ADARB1: variants seen among roughly 807,000 people sequenced by gnomAD.
ADARB1 encodes double-stranded RNA-specific editase 1.
Under a neutral mutation model 52.4 loss-of-function variants are expected in ADARB1, and 10 were observed. The ratio of observed to expected loss-of-function variants is 0.19; its 90% CI spans 0.12 to 0.32. The LOEUF (loss-of-function observed/expected upper bound fraction) is 0.32. Ranked by LOEUF, ADARB1 falls within the 10% of genes least tolerant of loss-of-function variation. The pLI is 1.00. For synonymous variants in ADARB1, 349 were observed against 371.1 expected (o/e 0.94, Z 0.68); for missense variants, 643 against 922.3 (o/e 0.70, Z 3.92).
In ADARB1 at chr21:45,176,567, C is replaced by T. The variant is rs1450281854; in HGVS notation, c.866C>T (p.Ala289Val). The T allele has an allele frequency of 1.2e-6, 2 of 1,614,224 alleles. No individual in the cohort carries two copies. Among genetic ancestry groups the T allele is most frequent in the South Asian group, 1.1e-5 (1 of 91,088 alleles). ...RNKKLAKARA[A>V]QSALAAIFNL... is the part of the protein sequence containing the mutation. ...AAGAAGCTTGCCAAGGCCCGGGCTG[C>T]GCAGTCTGCCCTGGCCGCCATTTTT... is the stretch of plus-strand genomic sequence containing the variant. Residue 289 changes from alanine to valine, a missense_variant, in exon 4 of 11, where the codon GCG (alanine) becomes GTG (valine). By Grantham distance (64) the Ala-to-Val change is moderately conservative. Around this residue, in one of 2 missense-constraint regions of ADARB1, gnomAD observed 380 missense variants for 446.5 expected, o/e 0.85. Coordinates refer to ENST00000348831, the MANE Select transcript of ADARB1 (RefSeq NM_001112.4). This position sits in a 1 kb window ranked among gnomAD's most constrained non-coding sequence, Gnocchi z 5.8.
intron 1 of ADARB1, among the ~76,000 whole-genome samples, chr21:45,093,403 T>G (rs373249): frequency 0.95 from 145,388 of 152,296 alleles, 69,414 homozygotes; most frequent in East Asian, 0.98. Context: ...ATTGGCAGGT[T>G]TCCACAGGCC....
In ADARB1 at chr21:45,110,356, T is replaced by G. The variant is rs2087478347; in HGVS notation, c.-219-18046T>G. On this transcript the variant is annotated intron_variant, in intron 1 of 10. Transcript: ENST00000348831. ...TATTTCCCACGAATTTGAAAACCAG[T>G]ACATTTCTGTGCCAAGTAATGGCTG... Among the ~76,000 whole-genome samples, 3 of 152,242 alleles carry G rather than the reference T, an allele frequency of 2.0e-5. No individual in the cohort carries two copies. The South Asian group carries it at 6.2e-4, about 32-fold the overall frequency.
chr21:45,178,320 A>T (rs2091784409), intron 4 of ADARB1, among the ~76,000 whole-genome samples: 2 of 152,142 alleles, frequency 1.3e-5, no homozygotes, highest in Non-Finnish European at 2.9e-5. Context: ...CAGCCTGGGG[A>T]GGGGTGCAGG....
chr21:45,217,429 T>G (rs989195975), intron 9 of ADARB1, among the ~76,000 whole-genome samples: 4 of 152,152 alleles, frequency 2.6e-5, no homozygotes, highest in African/African-American at 9.7e-5. Flanking sequence ...ACGATCTCCC[T>G]TCAAGTGATA....
chr21:45,176,445 G>C lies in ADARB1; in HGVS notation c.744G>C (p.Lys248Asn). 1.2e-6 allele frequency: 2 copies of C among 1,614,210 alleles called. No individual in the cohort carries two copies. The highest frequency in any genetic ancestry group is 1.7e-6 in the Non-Finnish European group (2 of 1,180,036). ...MILNELRPGL[K>N]YDFLSESGES... ...TGAACGAACTGCGCCCAGGACTCAA[G>C]TATGACTTCCTCTCCGAGAGCGGGG... Residue 248 changes from lysine to asparagine, a missense_variant, in exon 4 of 11, where the codon AAG (lysine) becomes AAC (asparagine). By Grantham distance (94) the Lys-to-Asn change is moderately conservative. This residue lies in a region of ADARB1 where 380 missense variants were observed against 446.5 expected (regional missense o/e 0.85). Transcript: ENST00000348831. This position sits in a 1 kb window ranked among gnomAD's most constrained non-coding sequence, Gnocchi z 5.8.
In ADARB1 at chr21:45,176,506, G is replaced by A. The variant is rs1484574248; in HGVS notation, c.805G>A (p.Val269Met). The change falls in exon 4 of 11, where the codon GTG becomes ATG. Residue 269 changes from valine to methionine, a missense_variant. Val to Met is a conservative substitution (Grantham distance 21). This residue lies in a region of ADARB1 where 380 missense variants were observed against 446.5 expected (regional missense o/e 0.85). Coordinates refer to ENST00000348831, the MANE Select transcript of ADARB1 (RefSeq NM_001112.4). This position sits in a 1 kb window ranked among gnomAD's most constrained non-coding sequence, Gnocchi z 5.8. ...CAAGAGCTTCGTCATGTCTGTGGTC[G>A]TGGATGGTCAGTTCTTTGAAGGCTC... The part of the protein sequence containing the change: ...HAKSFVMSVV[V>M]DGQFFEGSGR... 4 of 1,614,198 alleles carry A rather than the reference G, an allele frequency of 2.5e-6. No homozygotes were observed. The highest frequency in any genetic ancestry group is 2.5e-6 in the Non-Finnish European group (3 of 1,180,040).
At chr21:45,123,806 G>T (rs975232824) in intron 1 of ADARB1, among the ~76,000 whole-genome samples, 5 of 152,092 alleles carry the variant, frequency 3.3e-5, no homozygotes, top group African/African-American at 1.2e-4. Flanking sequence ...TCCATGTGTT[G>T]CCTAGGCTGA....
rs142852625 is a variant in ADARB1, at chr21:45,170,548, T to C, written c.-47-1062T>C. 6.8e-3 allele frequency among the ~76,000 whole-genome samples: 1,039 copies of C among 151,958 alleles called. 6 individuals are homozygous for C. Among genetic ancestry groups the C allele is most frequent in the African/African-American group, 0.024 (991 of 41,514 alleles). On this transcript the variant is annotated intron_variant, in intron 2 of 10. Transcript: ENST00000348831. Reference sequence around the variant, plus strand: ...TGAAATATAGTGAGATTGAAAGTTATTAACATGATTTCATGAAAAACTATA... The same window carrying C: ...TGAAATATAGTGAGATTGAAAGTTACTAACATGATTTCATGAAAAACTATA...
rs1490612682 is a variant in ADARB1, at chr21:45,221,685, A to T, written c.1927-333A>T. ...GAAGGCCTCCGAGGTCATCAGGGTG[A>T]TGACACACATAACATCCGTGGTGCT... On this transcript the variant is annotated intron_variant, in intron 10 of 10. Transcript: ENST00000348831. The surrounding 1 kb of genome is among the most constrained non-coding windows in gnomAD (Gnocchi z 4.9). Among the ~76,000 whole-genome samples the T allele has an allele frequency of 2.6e-5, 4 of 152,192 alleles. No individual in the cohort carries two copies. The highest frequency in any genetic ancestry group is 1.3e-4 in the Admixed American group (2 of 15,280).
chr21:45,152,055 C>T (rs1220588372), intron 2 of ADARB1, among the ~76,000 whole-genome samples: 1 of 152,194 alleles, frequency 6.6e-6, no homozygotes, highest in Non-Finnish European at 1.5e-5. Context: ...TGTCAGTGGC[C>T]TGCAGTTTCC....
At chr21:45,151,100 A>G (rs938180848) in intron 2 of ADARB1, among the ~76,000 whole-genome samples, 2 of 152,198 alleles carry the variant, frequency 1.3e-5, no homozygotes, top group African/African-American at 4.8e-5. Context: ...GTGTGTGGGC[A>G]GGTGCCTGAG....
At chr21:45,198,374 C>T (rs1349417971) in intron 8 of ADARB1, among the ~76,000 whole-genome samples, 1 of 152,152 alleles carries the variant, frequency 6.6e-6, no homozygotes, top group Non-Finnish European at 1.5e-5. Context: ...GTCCTAGACA[C>T]TTCAGCACTG....
chr21:45,179,107 G>GCGTC (rs1161634276), intron 4 of ADARB1, among the ~76,000 whole-genome samples: 1 of 152,140 alleles, frequency 6.6e-6, no homozygotes, highest in African/African-American at 2.4e-5. Context: ...CAATTGGAAT[G>GCGTC]CGTCGCCCCT....
Position 45,185,039 on chromosome 21 carries a change from G to A in ADARB1, c.1513G>A (p.Val505Met), listed in dbSNP as rs1452660177. Residue 505 changes from valine to methionine, a missense_variant, in exon 8 of 11, where the codon GTG becomes ATG. By Grantham distance (21) the Val-to-Met change is conservative. Transcript: ENST00000348831. ...TGCGAGCATCCAAACGTGGGACGGG[G>A]TGCTGCAAGGGGAGCGGCTGCTCAC... Reference protein sequence around the residue: ...SNASIQTWDGVLQGERLLTMS... With the variant: ...SNASIQTWDGMLQGERLLTMS... 6.2e-7 allele frequency: 1 copy of A among 1,614,236 alleles called. No individual in the cohort carries two copies. The highest frequency in any genetic ancestry group is 1.3e-5 in the African/African-American group (1 of 75,062).
At chr21:45,083,282 A>G (rs1244725846) in intron 1 of ADARB1, among the ~76,000 whole-genome samples, 2 of 152,284 alleles carry the variant, frequency 1.3e-5, no homozygotes, top group South Asian at 2.1e-4. Flanking sequence ...CTGAAAACGT[A>G]TGCTTTTGCT....
chr21:45,222,110 G>A lies in ADARB1; in HGVS notation c.2019G>A (p.Ala673=), dbSNP rs768328836. The change falls in exon 11 of 11, where the codon GCG becomes GCA. Residue 673 remains alanine (A), a synonymous_variant. Coordinates refer to ENST00000348831, the MANE Select transcript of ADARB1 (RefSeq NM_001112.4). Reference sequence around the variant, plus strand: ...CAAAGGAGTACCAGGCCGCCAAGGCGCGTCTGTTCACAGCCTTCATCAAGG... The same window carrying A: ...CAAAGGAGTACCAGGCCGCCAAGGCACGTCTGTTCACAGCCTTCATCAAGG... ...LAAKEYQAAK[A]RLFTAFIKAG... 22 of 1,613,080 alleles carry A rather than the reference G, an allele frequency of 1.4e-5. No homozygotes were observed. Among genetic ancestry groups the A allele is most frequent in the Non-Finnish European group, 1.8e-5 (21 of 1,179,862 alleles).
At position 45,142,406 on chromosome 21, in the gene ADARB1, TAGTC is replaced by T. The variant is rs1162367968; in HGVS notation, c.-48+13834_-48+13837del. On this transcript the variant is annotated intron_variant, in intron 2 of 10. Coordinates refer to ENST00000348831, the MANE Select transcript of ADARB1 (RefSeq NM_001112.4). This position sits in a 1 kb window ranked among gnomAD's most constrained non-coding sequence, Gnocchi z 4.0. Reference sequence around the variant, plus strand: ...TTGCAAGTAGACTGAAAGTTATACTTAGTCTGTTCTGTTTGAAACCATTCTCATT... The same window carrying T: ...TTGCAAGTAGACTGAAAGTTATACTTTGTTCTGTTTGAAACCATTCTCATT... Among the ~76,000 whole-genome samples the T allele has an allele frequency of 5.3e-5, 8 of 152,260 alleles. No individual in the cohort carries two copies. The highest frequency in any genetic ancestry group is 2.6e-4 in the Admixed American group (4 of 15,284).
intron 1 of ADARB1, among the ~76,000 whole-genome samples, chr21:45,097,726 G>A (rs1053365570): frequency 2.0e-5 from 3 of 152,150 alleles, no homozygotes; most frequent in African/African-American, 7.2e-5. Context: ...TAGCAGGTCT[G>A]TTTGGGTATG....
chr21:45,197,297 C>G (rs1411164064), intron 8 of ADARB1, among the ~76,000 whole-genome samples: 1 of 152,050 alleles, frequency 6.6e-6, no homozygotes, highest in Non-Finnish European at 1.5e-5. Context: ...GTCAGGAGTT[C>G]AAAACCAGCC....
Sources: allele counts gnomAD v4.1 joint callset (sites outside exome capture counted in the v4.1 genomes callset), GRCh38; gene constraint gnomAD v4.1.1; regional missense constraint gnomAD v4.1.1; non-coding constraint Gnocchi (gnomAD v3.1); transcripts MANE v1.5; gene names NCBI Gene and HGNC (gene_info 2026-07-23, HGNC 2026-07-21).